CILP2: variants seen among roughly 807,000 people sequenced by gnomAD.
CILP2 encodes the protein CILP-2.
CILP2 carries 38 observed loss-of-function variants against 45.6 expected under a neutral mutation model. That is an observed-to-expected ratio of 0.83 (90% confidence interval 0.64 to 1.09). The LOEUF is 1.09. Among genes scored for constraint, CILP2 ranks in the 50% least tolerant of loss-of-function variants. The pLI is 0.00. For missense variants in CILP2, 1,735 were observed against 1,662.2 expected (o/e 1.04, Z -0.76); for synonymous variants, 780 against 723.5 (o/e 1.08, Z -1.25).
chr19:19,543,665 T>C lies in CILP2; in HGVS notation c.1136-16T>C, dbSNP rs1339113379. 6.3e-7 allele frequency: 1 copy of C among 1,576,416 alleles called. No homozygotes were observed. Among genetic ancestry groups the C allele is most frequent in the Non-Finnish European group, 8.6e-7 (1 of 1,159,222 alleles). On this transcript the variant is annotated splice_polypyrimidine_tract_variant and intron_variant, in intron 7 of 7. Transcript: ENST00000291495. Reference sequence around the variant, plus strand: ...CCTCCTCCCTGCCCTGACCTGCATGTTTTCTTTGTCCCCAGCCCCAGGCCA... The same window carrying C: ...CCTCCTCCCTGCCCTGACCTGCATGCTTTCTTTGTCCCCAGCCCCAGGCCA...
rs774423088 is a variant in CILP2, at chr19:19,541,130, C to T, written c.476C>T (p.Ser159Leu). 4.8e-6 allele frequency: 6 copies of T among 1,259,444 alleles called. No individual in the cohort carries two copies. The highest frequency in any genetic ancestry group is 3.0e-6 in the Non-Finnish European group (3 of 1,002,196). The allele number at this position is 1,259,444 out of a possible 1,614,324, so 78.0% of individuals were successfully genotyped here. ...WGAWGPWGPC[S>L]GSCGPGRRLR... ...GCGTGGGGCCCGTGGGGTCCCTGCTCGGGGAGCTGTGGGCCAGGCCGTCGC... is the reference window on the plus strand; with the variant it reads ...GCGTGGGGCCCGTGGGGTCCCTGCTTGGGGAGCTGTGGGCCAGGCCGTCGC... Residue 159 changes from serine (S) to leucine (L), a missense_variant, in exon 4 of 8, where the codon TCG becomes TTG. Transcript: ENST00000291495.
intron 3 of CILP2, 145 bp downstream of exon 3, chr19:19,540,621 G>T: frequency 1.0e-6 from 1 of 959,434 alleles, no homozygotes; most frequent in Non-Finnish European, 1.4e-6. Flanking sequence ...ACCCTTAGGC[G>T]TAGGACGACG....
Position 19,546,254 on chromosome 19 carries a change from AG to A in CILP2, c.*242del. 5.3e-6 allele frequency: 2 copies of A among 376,562 alleles called. No individual in the cohort carries two copies. The highest frequency in any genetic ancestry group is 9.5e-6 in the Non-Finnish European group (2 of 211,496). The allele number at this position is 376,562 out of a possible 1,614,324, so 23.3% of individuals were successfully genotyped here. A position where few individuals can be genotyped will look rare whatever the true frequency, so the allele number is the denominator to read the frequency against. On this transcript the variant is annotated 3_prime_UTR_variant, in exon 8 of 8. Coordinates refer to ENST00000291495, the MANE Select transcript of CILP2 (RefSeq NM_153221.2). The stretch of plus-strand genomic sequence containing the variant: ...TGCGGTGACTCTGGGGCCAGCACCC[AG>A]GGGACGACGTTCAACCCTAGCCTGA...
chr19:19,540,301 G>A lies in CILP2; in HGVS notation c.261G>A (p.Ala87=). The A allele has an allele frequency of 6.3e-7, 1 of 1,590,350 alleles. No homozygotes were observed. The highest frequency in any genetic ancestry group is 1.7e-5 in the Admixed American group (1 of 58,156). ...CCATCCGCTTCTACTACGGGCCAGC[G>A]CGCGTGTGCCCGCGACCGCTGGCGC... is the stretch of plus-strand genomic sequence containing the variant. The part of the protein sequence containing the change: ...LAAIRFYYGP[A]RVCPRPLALE... Residue 87 remains alanine, a synonymous_variant, in exon 3 of 8, where the codon GCG becomes GCA. Coordinates refer to ENST00000291495, the MANE Select transcript of CILP2 (RefSeq NM_153221.2).
chr19:19,539,615 A>C, intron 1 of CILP2, 64 bp from the exon 2 acceptor site: 1 of 1,231,946 alleles, frequency 8.1e-7, no homozygotes, highest in Non-Finnish European at 1.1e-6. Context: ...CTTGCCTAAA[A>C]GGAGGCTCCC....
Position 19,545,049 on chromosome 19 carries a change from C to T in CILP2, c.2504C>T (p.Thr835Ile), listed in dbSNP as rs1014066606. 4.4e-6 allele frequency: 7 copies of T among 1,608,596 alleles called. No homozygotes were observed. The highest frequency in any genetic ancestry group is 5.9e-6 in the Non-Finnish European group (7 of 1,178,792). Reference sequence around the variant, plus strand: ...CCACTCCCGGCCACCGTGGGCGTCACCCAGCCCTACCTGGACAGGCTGGGG... The same window carrying T: ...CCACTCCCGGCCACCGTGGGCGTCATCCAGCCCTACCTGGACAGGCTGGGG... ...PRPLPATVGVTQPYLDRLGYR... is the reference protein window; with the variant it reads ...PRPLPATVGVIQPYLDRLGYR... Residue 835 changes from threonine (T) to isoleucine (I), a missense_variant, in exon 8 of 8, where the codon ACC (threonine) becomes ATC (isoleucine). By Grantham distance (89) the Thr-to-Ile change is moderately conservative (BLOSUM62 -1). Coordinates refer to ENST00000291495, the MANE Select transcript of CILP2 (RefSeq NM_153221.2).
In CILP2 at chr19:19,543,836, G is replaced by A. The variant is rs777184344; in HGVS notation, c.1291G>A (p.Gly431Arg). The change falls in exon 8 of 8, where the codon GGG (glycine) becomes AGG (arginine). Residue 431 changes from glycine to arginine, a missense_variant. By Grantham distance (125) the Gly-to-Arg change is moderately radical (BLOSUM62 -2). Coordinates refer to ENST00000291495, the MANE Select transcript of CILP2 (RefSeq NM_153221.2). The part of the protein sequence containing the change: ...PSLAGSSPRC[G>R]DASSRCCSVR... Reference sequence around the variant, plus strand: ...CCTGGCAGGCTCCAGCCCCCGCTGCGGGGACGCCAGCTCCCGCTGCTGCTC... The same window carrying A: ...CCTGGCAGGCTCCAGCCCCCGCTGCAGGGACGCCAGCTCCCGCTGCTGCTC... 3 of 1,613,788 alleles carry A rather than the reference G, an allele frequency of 1.9e-6. No homozygotes were observed. The highest frequency in any genetic ancestry group is 2.5e-6 in the Non-Finnish European group (3 of 1,179,866).
intron 1 of CILP2, 131 bp downstream of exon 1, chr19:19,538,544 A>C: frequency 1.5e-6 from 1 of 665,180 alleles, no homozygotes; most frequent in Non-Finnish European, 2.3e-6. Flanking sequence ...GGTCCCCTTC[A>C]CCAGTCGGAT....
chr19:19,540,754 TCTCC>T, intron 3 of CILP2: 5 of 456,752 alleles, frequency 1.1e-5, no homozygotes, highest in Non-Finnish European at 1.1e-5. Context: ...CTGGAACGCA[TCTCC>T]CTCCCGCTGC....
rs2061259379 is a variant in CILP2, at chr19:19,545,090, C to G, written c.2545C>G (p.His849Asp). The G allele has an allele frequency of 5.6e-6, 9 of 1,610,930 alleles. No individual in the cohort carries two copies. The highest frequency in any genetic ancestry group is 1.1e-5 in the South Asian group (1 of 90,918). Reference sequence around the variant, plus strand: ...CAGGCTGGGGTACCGTCGGACGGACCACGACGATCCCGCCTTCAAGCGTAA... The same window carrying G: ...CAGGCTGGGGTACCGTCGGACGGACGACGACGATCCCGCCTTCAAGCGTAA... ...LDRLGYRRTDHDDPAFKRNGF... is the reference protein window; with the variant it reads ...LDRLGYRRTDDDDPAFKRNGF... The change falls in exon 8 of 8, where the codon CAC (histidine) becomes GAC (aspartate). Residue 849 changes from histidine (H) to aspartate (D), a missense_variant. Transcript: ENST00000291495.
At position 19,544,491 on chromosome 19, in the gene CILP2, C is replaced by T. The variant is rs1340779231; in HGVS notation, c.1946C>T (p.Ala649Val). The change falls in exon 8 of 8, where the codon GCG becomes GTG. Residue 649 changes from alanine to valine, a missense_variant. By Grantham distance (64) the Ala-to-Val change is moderately conservative. Coordinates refer to ENST00000291495, the MANE Select transcript of CILP2 (RefSeq NM_153221.2). ...TYGMFSVDLR[A>V]PGSAEQLQVG... ...GGCATGTTCTCCGTGGACCTCCGTG[C>T]GCCCGGCTCCGCGGAGCAGCTGCAG... The T allele has an allele frequency of 1.2e-6, 2 of 1,604,088 alleles. No homozygotes were observed. The highest frequency in any genetic ancestry group is 1.3e-5 in the African/African-American group (1 of 74,942).
chr19:19,541,447 T>TG (rs1738175445), intron 4 of CILP2, among the ~76,000 whole-genome samples: 1 of 151,230 alleles, frequency 6.6e-6, no homozygotes, highest in Non-Finnish European at 1.5e-5. Context: ...CGGGGCCTGG[T>TG]GCGGGGGCGG....
chr19:19,543,300 C>G lies in CILP2; in HGVS notation c.1030C>G (p.Leu344Val). 6.2e-7 allele frequency: 1 copy of G among 1,613,772 alleles called. No homozygotes were observed. Among genetic ancestry groups the G allele is most frequent in the African/African-American group, 1.3e-5 (1 of 75,064 alleles). ...DRRAHGYGAH[L>V]ELRGLRPDQA... ...GCGAGCTCATGGGTACGGGGCCCACCTGGAGCTGCGGGGACTGCGCCCAGA... is the reference window on the plus strand; with the variant it reads ...GCGAGCTCATGGGTACGGGGCCCACGTGGAGCTGCGGGGACTGCGCCCAGA... The change falls in exon 7 of 8, where the codon CTG becomes GTG. Residue 344 changes from leucine to valine, a missense_variant. Coordinates refer to ENST00000291495, the MANE Select transcript of CILP2 (RefSeq NM_153221.2).
chr19:19,540,320 C>G lies in CILP2; in HGVS notation c.280C>G (p.Leu94Val). The G allele has an allele frequency of 6.3e-7, 1 of 1,579,688 alleles. No homozygotes were observed. The highest frequency in any genetic ancestry group is 8.6e-7 in the Non-Finnish European group (1 of 1,167,932). ...YGPARVCPRP[L>V]ALEARTTDWA... is the part of the protein sequence containing the mutation. Reference sequence around the variant, plus strand: ...GCCAGCGCGCGTGTGCCCGCGACCGCTGGCGCTGGAAGCGCGCACCACGGA... The same window carrying G: ...GCCAGCGCGCGTGTGCCCGCGACCGGTGGCGCTGGAAGCGCGCACCACGGA... Residue 94 changes from leucine to valine, a missense_variant, in exon 3 of 8, where the codon CTG becomes GTG. Leu to Val is a conservative substitution (Grantham distance 32). Coordinates refer to ENST00000291495, the MANE Select transcript of CILP2 (RefSeq NM_153221.2).
rs1404370841 is a variant in CILP2, at chr19:19,542,519, T to C, written c.737T>C (p.Phe246Ser). Residue 246 changes from phenylalanine to serine, a missense_variant, in exon 5 of 8, where the codon TTC (phenylalanine) becomes TCC (serine). Transcript: ENST00000291495. ...GCCACCAGCGATGCTCACGGAACCT[T>C]CCGGGTGCCTGGTGTCTGTGCTGAC... ...TVATSDAHGT[F>S]RVPGVCADSR... 1.9e-6 allele frequency: 3 copies of C among 1,613,826 alleles called. No homozygotes were observed. The highest frequency in any genetic ancestry group is 2.2e-5 in the South Asian group (2 of 91,068).
Position 19,545,420 on chromosome 19 carries a change from G to C in CILP2, c.2875G>C (p.Gly959Arg). The change falls in exon 8 of 8, where the codon GGG (glycine) becomes CGG (arginine). Residue 959 changes from glycine (G) to arginine (R), a missense_variant. By Grantham distance (125) the Gly-to-Arg change is moderately radical. Transcript: ENST00000291495. ...GTATATGGTCCGCTCCCACAACGCA[G>C]GGGGCAGCCACCCACGCACCCGCGG... ...QEYMVRSHNA[G>R]GSHPRTRGQL... 1 of 1,612,560 alleles carries C rather than the reference G, an allele frequency of 6.2e-7. No homozygotes were observed. Among genetic ancestry groups the C allele is most frequent in the African/African-American group, 1.3e-5 (1 of 75,048 alleles).
In CILP2 at chr19:19,540,371, G is replaced by A. The variant is rs771505963; in HGVS notation, c.331G>A (p.Glu111Lys). The change falls in exon 3 of 8, where the codon GAG becomes AAG. Residue 111 changes from glutamate (E) to lysine (K), a missense_variant. By Grantham distance (56) the Glu-to-Lys change is moderately conservative. Transcript: ENST00000291495. The stretch of plus-strand genomic sequence containing the variant: ...CTGGGCCCTGCCGTCCGCCGTCGGC[G>A]AGCGCGTGCACTTGAACCCCACGCG... The part of the protein sequence containing the change: ...TDWALPSAVG[E>K]RVHLNPTRGF... The A allele has an allele frequency of 4.5e-6, 7 of 1,545,158 alleles. No individual in the cohort carries two copies. The highest frequency in any genetic ancestry group is 2.3e-5 in the South Asian group (2 of 85,360).
Position 19,539,692 on chromosome 19 carries a change from C to T in CILP2, c.78C>T (p.Thr26=). ...CCTCACCCACAGACGCCACCCCCAC[C>T]GAGGAGCCAATGGCGACTGCACTGG... ...HLAGARDATP[T]EEPMATALGL... The change falls in exon 2 of 8, where the codon ACC becomes ACT. Residue 26 remains threonine, a synonymous_variant. Coordinates refer to ENST00000291495, the MANE Select transcript of CILP2 (RefSeq NM_153221.2). The T allele has an allele frequency of 1.3e-5, 21 of 1,591,594 alleles. No individual in the cohort carries two copies. The highest frequency in any genetic ancestry group is 1.8e-5 in the Non-Finnish European group (21 of 1,167,630).
At position 19,545,079 on chromosome 19, in the gene CILP2, G is replaced by C. The variant is rs750633279; in HGVS notation, c.2534G>C (p.Arg845Pro). 7 of 1,610,148 alleles carry C rather than the reference G, an allele frequency of 4.3e-6. No homozygotes were observed. In the South Asian group the frequency reaches 6.6e-5, roughly 15 times the overall value. Reference sequence around the variant, plus strand: ...CCCTACCTGGACAGGCTGGGGTACCGTCGGACGGACCACGACGATCCCGCC... The same window carrying C: ...CCCTACCTGGACAGGCTGGGGTACCCTCGGACGGACCACGACGATCCCGCC... Reference protein sequence around the residue: ...TQPYLDRLGYRRTDHDDPAFK... With the variant: ...TQPYLDRLGYPRTDHDDPAFK... Residue 845 changes from arginine to proline, a missense_variant, in exon 8 of 8, where the codon CGT (arginine) becomes CCT (proline). Arg to Pro is a moderately radical substitution (Grantham distance 103). Transcript: ENST00000291495.
Sources: allele counts gnomAD v4.1 joint callset (sites outside exome capture counted in the v4.1 genomes callset), GRCh38; gene constraint gnomAD v4.1.1; transcripts MANE v1.5; gene names NCBI Gene and HGNC (gene_info 2026-07-23, HGNC 2026-07-21).